Variants in PCDH7 observed in about 807,000 individuals in gnomAD.
The protein encoded by PCDH7 is protocadherin-7.
In PCDH7, 17 loss-of-function variants were observed where a neutral mutation model predicts 58.9. The ratio of observed to expected loss-of-function variants is 0.29; its 90% CI spans 0.20 to 0.43. PCDH7 has a LOEUF of 0.43. PCDH7 is among the 20% of genes least tolerant of loss of function. The probability of loss-of-function intolerance (pLI) is 1.00; values close to 1 mark genes in which losing one functional copy is unlikely to be tolerated. For synonymous variants in PCDH7, 664 were observed against 616.4 expected (o/e 1.08, Z -1.14); for missense variants, 1,274 against 1,441.0 (o/e 0.88, Z 1.88).
At chr4:30,997,398 A>C (rs1246903941) in intron 3 of PCDH7, among the ~76,000 whole-genome samples, 1 of 152,142 alleles carries the variant, frequency 6.6e-6, no homozygotes, top group South Asian at 2.1e-4. Context: ...TGCTTTTAGG[A>C]TTGAAGATTG....
At chr4:30,968,376 C>CTATATATATATATATATATATATATA (rs60085619) in intron 3 of PCDH7, among the ~76,000 whole-genome samples, 11 of 67,040 alleles carry the variant, frequency 1.6e-4, no homozygotes, top group Non-Finnish European at 2.1e-4. Context: ...TATACACACA[C>CTATATATATATATATATATATATATA]TATATATATA....
intron 3 of PCDH7, among the ~76,000 whole-genome samples, chr4:31,121,941 G>C (rs943576393): frequency 6.6e-6 from 1 of 152,038 alleles, no homozygotes; most frequent in East Asian, 1.9e-4. Context: ...AGTAGCGCTG[G>C]AGTTAAGTAT....
At chr4:31,040,567 G>A (rs1755779274) in intron 3 of PCDH7, among the ~76,000 whole-genome samples, 1 of 152,128 alleles carries the variant, frequency 6.6e-6, no homozygotes, top group Admixed American at 6.6e-5. Context: ...TCGGTATATA[G>A]GGCATATTCA....
chr4:31,105,931 C>T (rs1335068872), intron 3 of PCDH7, among the ~76,000 whole-genome samples: 2 of 151,280 alleles, frequency 1.3e-5, no homozygotes, highest in African/African-American at 4.9e-5. Flanking sequence ...GGCGTGAACC[C>T]GGGAGGCAGA....
chr4:30,839,833 T>C lies in PCDH7; in HGVS notation c.71-80320T>C, dbSNP rs1389080505. Among the ~76,000 whole-genome samples the C allele has an allele frequency of 4.6e-5, 7 of 152,306 alleles. No homozygotes were observed. The South Asian group carries it at 1.4e-3, about 32-fold the overall frequency. On this transcript the variant is annotated intron_variant, in intron 1 of 3. Transcript: ENST00000509759. The stretch of plus-strand genomic sequence containing the variant: ...TAAAAGGCTTGACTGGAAACCTTCA[T>C]GTCTTTTTAAAGATACAGTATATCT...
intron 3 of PCDH7, among the ~76,000 whole-genome samples, chr4:31,117,718 A>C (rs1717170792): frequency 6.6e-6 from 1 of 152,196 alleles, no homozygotes; most frequent in Non-Finnish European, 1.5e-5. Flanking sequence ...GGAAAAAACC[A>C]TTTGCCATAT....
At chr4:31,078,800 C>T (rs149082811) in intron 3 of PCDH7, among the ~76,000 whole-genome samples, 4 of 151,938 alleles carry the variant, frequency 2.6e-5, no homozygotes, top group Non-Finnish European at 4.4e-5. Context: ...GCTTTCCATA[C>T]ATGATGTCAA....
At chr4:30,957,779 T>A (rs2109455269) in intron 3 of PCDH7, among the ~76,000 whole-genome samples, 1 of 152,238 alleles carries the variant, frequency 6.6e-6, no homozygotes, top group Non-Finnish European at 1.5e-5. Context: ...ATAAGAAATT[T>A]TCTTCCAGGG....
At chr4:31,143,000 A>G (rs1000283922), downstream of PCDH7, 3 of 434,144 alleles carry the variant, frequency 6.9e-6, no homozygotes, top group South Asian at 4.0e-5. Flanking sequence ...TCAGGCCTTT[A>G]GTGATACTGT....
At chr4:31,087,459 T>C (rs531029434) in intron 3 of PCDH7, among the ~76,000 whole-genome samples, 2 of 152,254 alleles carry the variant, frequency 1.3e-5, no homozygotes, top group African/African-American at 4.8e-5. Context: ...AACCATGTTT[T>C]TCTGTACATT....
At chr4:31,106,475 T>G (rs763067813) in intron 3 of PCDH7, among the ~76,000 whole-genome samples, 2 of 152,232 alleles carry the variant, frequency 1.3e-5, no homozygotes, top group African/African-American at 2.4e-5. Context: ...CTGAGTGCGA[T>G]GAAGTGAGGT....
rs544324357 is a variant in PCDH7, at chr4:31,110,243, A to G, written c.*8-32230A>G. Among the ~76,000 whole-genome samples the G allele has an allele frequency of 2.6e-5, 4 of 152,340 alleles. No homozygotes were observed. In the East Asian group the frequency reaches 7.7e-4, roughly 29 times the overall value. On this transcript the variant is annotated intron_variant, in intron 3 of 3. Coordinates refer to the PCDH7 transcript ENST00000509759. The stretch of plus-strand genomic sequence containing the variant: ...TAGTGAATCTATCATTCAAACACGG[A>G]CACTCTAGTTCCAAAGTGACAACCT...
chr4:30,794,750 CG>C (rs1251766012), intron 1 of PCDH7, among the ~76,000 whole-genome samples: 2 of 151,430 alleles, frequency 1.3e-5, no homozygotes, highest in Non-Finnish European at 2.9e-5. Flanking sequence ...TTAATACAAT[CG>C]ATTGAAAGTT....
intron 3 of PCDH7, among the ~76,000 whole-genome samples, chr4:31,042,935 G>T (rs1756001366): frequency 2.0e-5 from 3 of 152,060 alleles, no homozygotes; most frequent in African/African-American, 7.2e-5. Flanking sequence ...GCCTTTTGCT[G>T]GTGCAGAGTC....
intron 3 of PCDH7, among the ~76,000 whole-genome samples, chr4:31,007,134 G>A (rs564810183): frequency 2.6e-5 from 4 of 152,144 alleles, no homozygotes; most frequent in Non-Finnish European, 5.9e-5. Context: ...TGATGGTTTG[G>A]ACAAAATGAC....
chr4:31,124,140 A>G (rs921702936), intron 3 of PCDH7, among the ~76,000 whole-genome samples: 1 of 152,174 alleles, frequency 6.6e-6, no homozygotes, highest in Non-Finnish European at 1.5e-5. Context: ...TAGGGCCGTG[A>G]GTCCAGCCTC....
At chr4:30,899,112 T>A (rs762646003) in intron 1 of PCDH7, among the ~76,000 whole-genome samples, 1 of 152,166 alleles carries the variant, frequency 6.6e-6, no homozygotes, top group Admixed American at 6.5e-5. Flanking sequence ...AGGATAGGAA[T>A]GCAAAATTGA....
chr4:30,941,741 C>A (rs1480488453), intron 2 of PCDH7, among the ~76,000 whole-genome samples: 1 of 151,660 alleles, frequency 6.6e-6, no homozygotes, highest in Non-Finnish European at 1.5e-5. Flanking sequence ...ATACATGAGA[C>A]CAAAAAATGA....
chr4:30,941,172 ATAAAT>A (rs1187815936), intron 2 of PCDH7, among the ~76,000 whole-genome samples: 1 of 151,980 alleles, frequency 6.6e-6, no homozygotes, highest in African/African-American at 2.4e-5. Flanking sequence ...TATTTTAAAA[ATAAAT>A]TAAAATACAT....
Sources: allele counts gnomAD v4.1 joint callset (sites outside exome capture counted in the v4.1 genomes callset), GRCh38; gene constraint gnomAD v4.1.1; transcripts MANE v1.5; gene names NCBI Gene and HGNC (gene_info 2026-07-23, HGNC 2026-07-21).